Variants in MIOS observed in about 807,000 individuals in gnomAD.
MIOS encodes the protein GATOR2 complex protein MIOS.
MIOS carries 52 observed loss-of-function variants against 96.9 expected under a neutral mutation model. That is an observed-to-expected ratio of 0.54 (90% CI 0.43 to 0.68). The LOEUF (loss-of-function observed/expected upper bound fraction) is 0.68. Among genes scored for constraint, MIOS ranks in the 30% least tolerant of loss-of-function variants. MIOS has a pLI of 0.00. For missense variants in MIOS, 1,005 were observed against 1,052.8 expected, an observed-to-expected ratio of 0.95 and a Z score of 0.63; for synonymous variants, 397 against 359.5, an observed-to-expected ratio of 1.10 and a Z score of -1.18.
intron 11 of MIOS, among the ~76,000 whole-genome samples, chr7:7,598,725 C>A (rs964200589): frequency 6.6e-6 from 1 of 152,094 alleles, no homozygotes; most frequent in African/African-American, 2.4e-5. Context: ...GGCACTCTTC[C>A]TTTTTGCTGA....
chr7:7,569,272 C>CAA (rs1241436434), intron 3 of MIOS, among the ~76,000 whole-genome samples: 16 of 152,238 alleles, frequency 1.1e-4, no homozygotes, highest in Middle Eastern at 6.8e-3. Context: ...TTTTGAAACT[C>CAA]TTTTTAAGGT....
At position 7,573,567 on chromosome 7, in the gene MIOS, A is replaced by T; in HGVS notation, c.1092A>T (p.Thr364=). 6.2e-7 allele frequency: 1 copy of T among 1,614,094 alleles called. No homozygotes were observed. Among genetic ancestry groups the T allele is most frequent in the Non-Finnish European group, 8.5e-7 (1 of 1,179,932 alleles). ...TATCTCTTGCCTGGAGCCCAATTAC[A>T]TCTTTAATGTGGGCTTGTGGTCGTC... ...ERISLAWSPI[T]SLMWACGRHL... is the part of the protein sequence containing the mutation. The change falls in exon 4 of 13, where the codon ACA becomes ACT. Residue 364 remains threonine (T), a synonymous_variant. Transcript: ENST00000340080. The surrounding 1 kb of genome is among the most constrained non-coding windows in gnomAD (Gnocchi z 5.0).
intron 11 of MIOS, among the ~76,000 whole-genome samples, chr7:7,596,692 TTG>T (rs1363410540): frequency 1.3e-5 from 2 of 152,234 alleles, no homozygotes; most frequent in Admixed American, 1.3e-4. Flanking sequence ...AATTTAAAGT[TTG>T]TGAGAAAAAC....
chr7:7,586,518 G>A (rs1232623248), intron 7 of MIOS, among the ~76,000 whole-genome samples: 1 of 152,188 alleles, frequency 6.6e-6, no homozygotes, highest in Non-Finnish European at 1.5e-5. Flanking sequence ...CTTTCTAGCA[G>A]TGGGAAGAAC....
chr7:7,577,449 A>G (rs1314462709), intron 5 of MIOS, among the ~76,000 whole-genome samples: 2 of 152,210 alleles, frequency 1.3e-5, no homozygotes, highest in African/African-American at 2.4e-5. Context: ...AGGAGGACAA[A>G]AAGATACGCA....
chr7:7,590,315 G>A (rs1784012189), intron 9 of MIOS, among the ~76,000 whole-genome samples: 1 of 152,104 alleles, frequency 6.6e-6, no homozygotes, highest in African/African-American at 2.4e-5. Flanking sequence ...CTTACCTAAT[G>A]TATCAAGCCA....
chr7:7,585,407 AAC>A (rs1491265696), intron 6 of MIOS, among the ~76,000 whole-genome samples: 1 of 50,154 alleles, frequency 2.0e-5, no homozygotes. Flanking sequence ...TCAAAACCCA[AAC>A]CCCCCCCTTT....
intron 9 of MIOS, among the ~76,000 whole-genome samples, chr7:7,590,272 A>G (rs1052013181): frequency 1.3e-5 from 2 of 152,184 alleles, no homozygotes; most frequent in Non-Finnish European, 2.9e-5. Flanking sequence ...TTGTGCATAT[A>G]TAGAGACACT....
At position 7,566,952 on chromosome 7, in the gene MIOS, G is replaced by C. The variant is rs1258574300; in HGVS notation, c.-341G>C. 1.3e-5 allele frequency: 2 copies of C among 151,614 alleles called. No homozygotes were observed. Among genetic ancestry groups the C allele is most frequent in the East Asian group, 3.9e-4 (2 of 5,186 alleles). The allele number at this position is 151,614 out of a possible 1,614,324, so 9.4% of individuals were successfully genotyped here. ...TGGTGGGGTCGTGGGTCCCAGCCCA[G>C]TGGTCCAGGTCACGGGCCGCACGGC... On this transcript the variant is annotated 5_prime_UTR_variant, in exon 1 of 13. Transcript: ENST00000340080.
At chr7:7,590,246 C>G (rs977674057) in intron 9 of MIOS, among the ~76,000 whole-genome samples, 5 of 152,170 alleles carry the variant, frequency 3.3e-5, no homozygotes, top group African/African-American at 1.2e-4. Context: ...AATGCCCCCT[C>G]TCCCACTGCA....
intron 11 of MIOS, chr7:7,605,672 T>G (rs1171161776): frequency 3.6e-6 from 1 of 274,494 alleles, no homozygotes; most frequent in Non-Finnish European, 6.9e-6. Context: ...GATTTTAAAC[T>G]ACTGATTTGG....
Position 7,607,061 on chromosome 7 carries a change from A to G in MIOS, c.2597A>G (p.Asn866Ser). The G allele has an allele frequency of 6.2e-7, 1 of 1,612,940 alleles. No homozygotes were observed. Among genetic ancestry groups the G allele is most frequent in the Non-Finnish European group, 8.5e-7 (1 of 1,179,306 alleles). Residue 866 changes from asparagine to serine, a missense_variant, in exon 13 of 13, where the codon AAT becomes AGT. Asn to Ser is a conservative substitution (Grantham distance 46, BLOSUM62 1). Around this residue, in one of 3 missense-constraint regions of MIOS, gnomAD observed 865 missense variants for 887.9 expected, o/e 0.97. Coordinates refer to ENST00000340080, the MANE Select transcript of MIOS (RefSeq NM_019005.4). Reference sequence around the variant, plus strand: ...TGTATGCAGTTGGATACAACAGGGAATCTGGTACCTGCAGAGACTGTCCAG... The same window carrying G: ...TGTATGCAGTTGGATACAACAGGGAGTCTGGTACCTGCAGAGACTGTCCAG... ...CKCMQLDTTGNLVPAETVQP is the reference protein window; with the variant it reads ...CKCMQLDTTGSLVPAETVQP
At chr7:7,599,264 T>G (rs1784301504) in intron 11 of MIOS, among the ~76,000 whole-genome samples, 1 of 152,208 alleles carries the variant, frequency 6.6e-6, no homozygotes, top group Non-Finnish European at 1.5e-5. Context: ...TAGTGAATAT[T>G]CATCTTTCAC....
chr7:7,584,861 G>T (rs946977157), intron 6 of MIOS, among the ~76,000 whole-genome samples: 8 of 152,144 alleles, frequency 5.3e-5, no homozygotes, highest in Non-Finnish European at 1.2e-4. Context: ...TTATCAGCAT[G>T]CATCTAAACT....
intron 9 of MIOS, 90 bp downstream of exon 9, chr7:7,589,653 C>T: frequency 1.4e-6 from 2 of 1,402,276 alleles, no homozygotes; most frequent in Non-Finnish European, 1.9e-6. Context: ...CTTTTGCTTG[C>T]TTAGGATCTT....
intron 6 of MIOS, among the ~76,000 whole-genome samples, chr7:7,583,812 AT>A (rs1001701589): frequency 6.6e-6 from 1 of 152,178 alleles, no homozygotes; most frequent in African/African-American, 2.4e-5. Context: ...TGACACTTTT[AT>A]TTAGGCTAAT....
intron 5 of MIOS, among the ~76,000 whole-genome samples, chr7:7,580,524 C>T (rs913423817): frequency 4.6e-5 from 7 of 152,126 alleles, no homozygotes; most frequent in African/African-American, 1.4e-4. Context: ...TTACAAATAA[C>T]ACATCTTGAA....
At chr7:7,603,077 G>A (rs1050779122) in intron 11 of MIOS, among the ~76,000 whole-genome samples, 2 of 152,186 alleles carry the variant, frequency 1.3e-5, no homozygotes, top group South Asian at 2.1e-4. Context: ...ATTCAAGATG[G>A]ATTAAAGACT....
rs538090855 is a variant in MIOS, at chr7:7,579,582, C to G, written c.1394-3536C>G. Among the ~76,000 whole-genome samples, 363 of 152,280 alleles carry G rather than the reference C, an allele frequency of 2.4e-3. 3 individuals are homozygous for G. The highest frequency in any genetic ancestry group is 8.3e-3 in the African/African-American group (343 of 41,546). ...GCAGAGGTGTCCAATCTTGTCTTCC[C>G]TGGGCCACAATGGAAGAATTGTCTT... is the stretch of plus-strand genomic sequence containing the variant. On this transcript the variant is annotated intron_variant, in intron 5 of 12. Coordinates refer to ENST00000340080, the MANE Select transcript of MIOS (RefSeq NM_019005.4).
Sources: allele counts gnomAD v4.1 joint callset (sites outside exome capture counted in the v4.1 genomes callset), GRCh38; gene constraint gnomAD v4.1.1; regional missense constraint gnomAD v4.1.1; non-coding constraint Gnocchi (gnomAD v3.1); transcripts MANE v1.5; gene names NCBI Gene and HGNC (gene_info 2026-07-23, HGNC 2026-07-21).